Variants in ERO1A observed in about 807,000 individuals in gnomAD.
ERO1A encodes endoplasmic reticulum oxidoreductase 1 alpha, also known as ERO1-like protein alpha.
In ERO1A, 49 loss-of-function variants were observed where a neutral mutation model predicts 76.9. That is an observed-to-expected ratio of 0.64 (90% CI 0.51 to 0.81). The LOEUF is 0.81. Ranked by LOEUF, ERO1A falls within the 30% of genes least tolerant of loss-of-function variation. The probability of loss-of-function intolerance (pLI) is 0.00; values close to 1 mark genes in which losing one functional copy is unlikely to be tolerated. For missense variants in ERO1A, 448 were observed against 542.1 expected, an observed-to-expected ratio of 0.83 and a Z score of 1.72; for synonymous variants, 174 against 181.2, an observed-to-expected ratio of 0.96 and a Z score of 0.32.
chr14:52,680,096 A>C (rs1371747709), intron 3 of ERO1A, among the ~76,000 whole-genome samples: 1 of 151,656 alleles, frequency 6.6e-6, no homozygotes, highest in African/African-American at 2.4e-5. Context: ...AAAAAAAAAA[A>C]AAAAAAACAA....
chr14:52,672,029 G>T, intron 4 of ERO1A, 158 bp from the exon 5 acceptor site: 1 of 577,844 alleles, frequency 1.7e-6, no homozygotes, highest in Non-Finnish European at 3.0e-6. Flanking sequence ...ATCAGGCCAG[G>T]TACGGTGGCT....
chr14:52,685,262 T>C (rs747974102), intron 1 of ERO1A, among the ~76,000 whole-genome samples: 4 of 152,194 alleles, frequency 2.6e-5, no homozygotes, highest in South Asian at 4.1e-4. Flanking sequence ...AACTTTTTAC[T>C]GCTTTTCCCA....
chr14:52,641,451 A>C lies in ERO1A; in HGVS notation c.*2119T>G, dbSNP rs1347286009. ...ACTGCCTCTACTAAAAATACAAAAA[A>C]AAAAAAAAAAAAATTAGCCGGGCGT... is the stretch of plus-strand genomic sequence containing the variant. On this transcript the variant is annotated 3_prime_UTR_variant, in exon 16 of 16. Transcript: ENST00000395686. The C allele has an allele frequency of 6.6e-6, 1 of 151,188 alleles. No individual in the cohort carries two copies. 9.4% of individuals were successfully genotyped at this position (151,188 alleles called of 1,614,324 possible).
Position 52,695,369 on chromosome 14 carries a change from T to A in ERO1A, c.113A>T (p.Gln38Leu). 1 of 1,461,708 alleles carries A rather than the reference T, an allele frequency of 6.8e-7. No individual in the cohort carries two copies. Among genetic ancestry groups the A allele is most frequent in the Non-Finnish European group, 9.1e-7 (1 of 1,095,982 alleles). 90.5% of individuals were successfully genotyped at this position (1,461,708 alleles called of 1,614,324 possible). Reference protein sequence around the residue: ...PETAAQRCFCQVSGYLDDCTC... With the variant: ...PETAAQRCFCLVSGYLDDCTC... The stretch of plus-strand genomic sequence containing the variant: ...AGCACCAACGCGCACATCGCTCACC[T>A]GGCAGAAGCACCTCTGTGCCGCTGT... The change falls in exon 1 of 16, where the codon CAG (glutamine) becomes CTG (leucine). Residue 38 changes from glutamine to leucine, a missense_variant and splice_region_variant. By Grantham distance (113) the Gln-to-Leu change is moderately radical. Transcript: ENST00000395686.
chr14:52,670,387 T>C (rs979684117), intron 6 of ERO1A, among the ~76,000 whole-genome samples: 16 of 152,240 alleles, frequency 1.1e-4, no homozygotes, highest in African/African-American at 3.9e-4. Context: ...TTTTTTGGTC[T>C]TTTGTTTTTT....
intron 13 of ERO1A, among the ~76,000 whole-genome samples, chr14:52,648,134 C>T (rs1407274670): frequency 6.6e-5 from 10 of 152,046 alleles, no homozygotes; most frequent in Non-Finnish European, 1.5e-4. Context: ...GTTACCATAT[C>T]TTAATAATAT....
Position 52,643,056 on chromosome 14 carries a change from T to C in ERO1A, c.*514A>G, listed in dbSNP as rs1277845434. On this transcript the variant is annotated 3_prime_UTR_variant, in exon 16 of 16. Transcript: ENST00000395686. Reference sequence around the variant, plus strand: ...TATTTTCCAAATATTCCATGTAAAATATTAAAAAACTAATTGTTTATCTGA... The same window carrying C: ...TATTTTCCAAATATTCCATGTAAAACATTAAAAAACTAATTGTTTATCTGA... 3.9e-5 allele frequency: 6 copies of C among 152,246 alleles called. No homozygotes were observed. The highest frequency in any genetic ancestry group is 2.0e-4 in the Admixed American group (3 of 15,280). 9.4% of individuals were successfully genotyped at this position (152,246 alleles called of 1,614,324 possible). A position where few individuals can be genotyped will look rare whatever the true frequency, so the allele number is the denominator to read the frequency against.
At chr14:52,644,402 G>C (rs1230772682) in intron 15 of ERO1A, among the ~76,000 whole-genome samples, 1 of 152,116 alleles carries the variant, frequency 6.6e-6, no homozygotes, top group African/African-American at 2.4e-5. Context: ...TCCGTAAACT[G>C]AGATCACGTC....
At chr14:52,672,070 C>T (rs894974777) in intron 4 of ERO1A, 199 bp from the exon 5 acceptor site, 2 of 424,264 alleles carry the variant, frequency 4.7e-6, no homozygotes, top group South Asian at 3.6e-5. Flanking sequence ...TGTGGGAGCC[C>T]GAGGCAGGTG....
intron 1 of ERO1A, among the ~76,000 whole-genome samples, chr14:52,689,217 G>A (rs192306819): frequency 8.5e-5 from 13 of 152,310 alleles, no homozygotes; most frequent in African/African-American, 3.1e-4. Context: ...GCCTCCCAGA[G>A]TGCTGGGATT....
chr14:52,651,086 T>C (rs1030031042), intron 13 of ERO1A, among the ~76,000 whole-genome samples: 7 of 110,554 alleles, frequency 6.3e-5, no homozygotes, highest in Admixed American at 1.2e-4. Context: ...CTGGGCAACA[T>C]AGCAAAACCC....
chr14:52,670,360 A>G (rs757844201), intron 6 of ERO1A, among the ~76,000 whole-genome samples: 2 of 152,236 alleles, frequency 1.3e-5, no homozygotes, highest in Non-Finnish European at 2.9e-5. Context: ...AAATCTATAC[A>G]TCTTGATCAG....
intron 8 of ERO1A, among the ~76,000 whole-genome samples, chr14:52,661,583 C>T (rs147580352): frequency 1.7e-4 from 26 of 152,268 alleles, no homozygotes; most frequent in African/African-American, 6.0e-4. Flanking sequence ...AGAGAAAAAA[C>T]TAATCCATCA....
At chr14:52,656,626 C>A (rs1015722501) in intron 11 of ERO1A, among the ~76,000 whole-genome samples, 3 of 149,200 alleles carry the variant, frequency 2.0e-5, no homozygotes, top group African/African-American at 7.4e-5. Context: ...GCAGGAGAAT[C>A]ACTTGAACCC....
At chr14:52,694,919 T>C (rs2041496680) in intron 1 of ERO1A, among the ~76,000 whole-genome samples, 1 of 152,156 alleles carries the variant, frequency 6.6e-6, no homozygotes, top group South Asian at 2.1e-4. Flanking sequence ...CATCGAAATC[T>C]GAGATCAGCC....
intron 11 of ERO1A, among the ~76,000 whole-genome samples, chr14:52,656,332 T>C (rs1420094582): frequency 6.6e-6 from 1 of 151,974 alleles, no homozygotes; most frequent in Non-Finnish European, 1.5e-5. Flanking sequence ...TTTTTAAAGA[T>C]GAAAAAAAAT....
chr14:52,651,489 G>A (rs963107315), intron 13 of ERO1A, among the ~76,000 whole-genome samples: 6 of 124,578 alleles, frequency 4.8e-5, no homozygotes, highest in African/African-American at 1.7e-4. Flanking sequence ...TCTAGAAAGT[G>A]TACGGCAATA....
chr14:52,668,372 C>T (rs1016074985), intron 6 of ERO1A, among the ~76,000 whole-genome samples: 1 of 151,408 alleles, frequency 6.6e-6, no homozygotes, highest in Non-Finnish European at 1.5e-5. Flanking sequence ...ATGGAGAAAC[C>T]CCATCTCTAC....
intron 7 of ERO1A, 112 bp downstream of exon 7, chr14:52,666,263 A>G (rs971818542): frequency 7.6e-6 from 6 of 785,310 alleles, no homozygotes; most frequent in African/African-American, 1.8e-5. Context: ...TTGTACAAAC[A>G]CATCTTTTAA....
Sources: allele counts gnomAD v4.1 joint callset (sites outside exome capture counted in the v4.1 genomes callset), GRCh38; gene constraint gnomAD v4.1.1; transcripts MANE v1.5; gene names NCBI Gene and HGNC (gene_info 2026-07-23, HGNC 2026-07-21).